Variants in LRRC8D observed in about 807,000 individuals in gnomAD.
The protein encoded by LRRC8D is leucine rich repeat containing 8 VRAC subunit D, also known as volume-regulated anion channel subunit LRRC8D.
Under a neutral mutation model 55.8 loss-of-function variants are expected in LRRC8D, and 20 were observed. That is an observed-to-expected ratio of 0.36 (90% CI 0.25 to 0.52). LRRC8D has a LOEUF of 0.52. Among genes scored for constraint, LRRC8D ranks in the 20% least tolerant of loss-of-function variants. The pLI is 0.93. For synonymous variants in LRRC8D, 352 were observed against 377.0 expected, an observed-to-expected ratio of 0.93 and a Z score of 0.77; for missense variants, 651 against 1,030.8, an observed-to-expected ratio of 0.63 and a Z score of 5.05.
chr1:89,824,799 A>G (rs910986418), intron 1 of LRRC8D, among the ~76,000 whole-genome samples: 2 of 152,206 alleles, frequency 1.3e-5, no homozygotes, highest in Non-Finnish European at 2.9e-5. Context: ...GGAATTGAAT[A>G]TGTAATTGAG....
intron 1 of LRRC8D, among the ~76,000 whole-genome samples, chr1:89,825,197 G>A (rs1660735034): frequency 6.6e-6 from 1 of 152,204 alleles, no homozygotes; most frequent in South Asian, 2.1e-4. Flanking sequence ...AAACTCAGTA[G>A]TTTGGGGGCT....
intron 2 of LRRC8D, among the ~76,000 whole-genome samples, chr1:89,901,460 C>T (rs1662846972): frequency 6.6e-6 from 1 of 152,228 alleles, no homozygotes; most frequent in Non-Finnish European, 1.5e-5. Flanking sequence ...GCTAACCTTA[C>T]TCTTAACTGC....
chr1:89,879,909 G>A (rs115464533), intron 2 of LRRC8D, among the ~76,000 whole-genome samples: 2,319 of 152,108 alleles, frequency 0.015, 57 homozygotes, highest in African/African-American at 0.053. Context: ...ACTATGAAAT[G>A]TATTAAAATT....
At chr1:89,821,618 C>G (rs903113564) in intron 1 of LRRC8D, among the ~76,000 whole-genome samples, 3 of 152,180 alleles carry the variant, frequency 2.0e-5, no homozygotes, top group African/African-American at 7.2e-5. Context: ...GCTCCCTTCT[C>G]TCACCTCCCT....
At position 89,866,553 on chromosome 1, in the gene LRRC8D, G is replaced by A. The variant is rs1268173282; in HGVS notation, c.-3+22771G>A. ...TTCATAGACTGTGTACAAAAATACA[G>A]CCAGATTATTGTGTTTCTGGAAGTG... is the stretch of plus-strand genomic sequence containing the variant. On this transcript the variant is annotated intron_variant, in intron 2 of 2. Coordinates refer to ENST00000337338, the MANE Select transcript of LRRC8D (RefSeq NM_001134479.2). 2.0e-5 allele frequency among the ~76,000 whole-genome samples: 3 copies of A among 152,308 alleles called. No individual in the cohort carries two copies. The East Asian group carries it at 5.8e-4, about 29-fold the overall frequency.
intron 2 of LRRC8D, among the ~76,000 whole-genome samples, chr1:89,848,326 A>G (rs1490681764): frequency 6.6e-6 from 1 of 152,108 alleles, no homozygotes; most frequent in Non-Finnish European, 1.5e-5. Context: ...CCAGCCCTAT[A>G]TTCATTTCCC....
chr1:89,930,297 C>A (rs960632084), intron 2 of LRRC8D, among the ~76,000 whole-genome samples: 1 of 152,168 alleles, frequency 6.6e-6, no homozygotes, highest in Non-Finnish European at 1.5e-5. Context: ...TGGGTTCAAG[C>A]AATTTTTCTG....
intron 2 of LRRC8D, among the ~76,000 whole-genome samples, chr1:89,900,552 G>T (rs1009649579): frequency 5.3e-5 from 8 of 151,024 alleles, no homozygotes; most frequent in African/African-American, 1.5e-4. Context: ...CTTAGTTCAG[G>T]CCAGATGTAG....
chr1:89,927,172 A>C (rs1663587187), intron 2 of LRRC8D, among the ~76,000 whole-genome samples: 1 of 152,268 alleles, frequency 6.6e-6, no homozygotes, highest in South Asian at 2.1e-4. Flanking sequence ...AGGAAGAGAC[A>C]GGCTTCCCTG....
intron 2 of LRRC8D, among the ~76,000 whole-genome samples, chr1:89,871,475 C>G (rs1662005726): frequency 6.6e-6 from 1 of 152,144 alleles, no homozygotes; most frequent in Non-Finnish European, 1.5e-5. Flanking sequence ...AATATACATT[C>G]ATTTTATATT....
intron 2 of LRRC8D, among the ~76,000 whole-genome samples, chr1:89,863,254 C>T (rs1468294039): frequency 6.6e-6 from 1 of 152,174 alleles, no homozygotes; most frequent in Admixed American, 6.5e-5. Flanking sequence ...CAGTGACTGG[C>T]ACACAGCAAG....
At chr1:89,845,938 C>T (rs1358146791) in intron 2 of LRRC8D, among the ~76,000 whole-genome samples, 5 of 152,058 alleles carry the variant, frequency 3.3e-5, no homozygotes, top group African/African-American at 9.7e-5. Context: ...CGCACCACCT[C>T]GCTCAGCTAA....
At chr1:89,890,404 G>A (rs1464559084) in intron 2 of LRRC8D, among the ~76,000 whole-genome samples, 1 of 152,150 alleles carries the variant, frequency 6.6e-6, no homozygotes, top group African/African-American at 2.4e-5. Context: ...CCTGGTTACA[G>A]CCAACTTTTT....
chr1:89,909,604 C>T (rs562233151), intron 2 of LRRC8D, among the ~76,000 whole-genome samples: 57 of 152,192 alleles, frequency 3.7e-4, no homozygotes, highest in African/African-American at 1.3e-3. Context: ...CGGTGGCTCA[C>T]GCCTGTAATC....
intron 2 of LRRC8D, among the ~76,000 whole-genome samples, chr1:89,871,211 T>C (rs1461167123): frequency 1.3e-5 from 2 of 152,228 alleles, no homozygotes; most frequent in South Asian, 2.1e-4. Flanking sequence ...CTTGCAGCTG[T>C]CTTGTTTATA....
intron 2 of LRRC8D, among the ~76,000 whole-genome samples, chr1:89,876,910 C>T (rs1662162921): frequency 6.6e-6 from 1 of 152,218 alleles, no homozygotes; most frequent in African/African-American, 2.4e-5. Flanking sequence ...AATTTGGTAG[C>T]CACTGGCCCT....
intron 1 of LRRC8D, among the ~76,000 whole-genome samples, chr1:89,835,723 C>T (rs893004385): frequency 3.3e-5 from 5 of 152,064 alleles, no homozygotes; most frequent in African/African-American, 1.2e-4. Flanking sequence ...ATATTTACCT[C>T]CTAGGGTTAG....
At position 89,933,050 on chromosome 1, in the gene LRRC8D, G is replaced by C. The variant is rs370742341; in HGVS notation, c.-2-17G>C. 3.0e-4 allele frequency: 486 copies of C among 1,593,930 alleles called. 2 individuals carry two copies. The highest frequency in any genetic ancestry group is 1.5e-4 in the Non-Finnish European group (173 of 1,165,210). ...TTGCATCTCTAGAATAATGTCTTTT[G>C]TCTTCTTGTTTTCTAGGAATGTTTA... On this transcript the variant is annotated splice_polypyrimidine_tract_variant and intron_variant, in intron 2 of 2. Transcript: ENST00000337338. The surrounding 1 kb of genome is among the most constrained non-coding windows in gnomAD (Gnocchi z 7.0).
chr1:89,859,433 A>C (rs2100789347), intron 2 of LRRC8D, among the ~76,000 whole-genome samples: 1 of 152,230 alleles, frequency 6.6e-6, no homozygotes, highest in East Asian at 1.9e-4. Context: ...GTCTGTTTTT[A>C]ACTTGTCGAA....
Sources: allele counts gnomAD v4.1 joint callset (sites outside exome capture counted in the v4.1 genomes callset), GRCh38; gene constraint gnomAD v4.1.1; non-coding constraint Gnocchi (gnomAD v3.1); transcripts MANE v1.5; gene names NCBI Gene and HGNC (gene_info 2026-07-23, HGNC 2026-07-21).